Variants in SERPINB8 observed in about 807,000 individuals in gnomAD.
SERPINB8 encodes serpin family B member 8.
SERPINB8 carries 25 observed loss-of-function variants against 35.3 expected under a neutral mutation model. The observed-to-expected ratio is 0.71, with a 90% CI of 0.52 to 0.99. The LOEUF is 0.99. Among genes scored for constraint, SERPINB8 ranks in the 50% least tolerant of loss-of-function variants. The pLI is 0.00. For missense variants in SERPINB8, 484 were observed against 446.5 expected (o/e 1.08, Z -0.76); for synonymous variants, 186 against 160.8 (o/e 1.16, Z -1.19).
rs1300570366 is a variant in SERPINB8 at position 63,987,014 on chromosome 18, A to T, written c.861A>T (p.Gly287=). 6.2e-7 allele frequency: 1 copy of T among 1,614,196 alleles called. No homozygotes were observed. The highest frequency in any genetic ancestry group is 2.2e-5 in the East Asian group (1 of 44,890). The change falls in exon 7 of 7, where the codon GGA becomes GGT. Residue 287 remains glycine, a synonymous_variant. Coordinates refer to ENST00000397985, the MANE Select transcript of SERPINB8 (RefSeq NM_002640.4). The part of the protein sequence containing the change: ...YDLEPFLRRL[G]MIDAFDEAKA... Reference sequence around the variant, plus strand: ...TGGAGCCTTTCCTTCGAAGATTAGGAATGATCGATGCTTTTGACGAAGCCA... The same window carrying T: ...TGGAGCCTTTCCTTCGAAGATTAGGTATGATCGATGCTTTTGACGAAGCCA...
chr18:63,985,681 C>A (rs1273586373), intron 6 of SERPINB8, among the ~76,000 whole-genome samples: 1 of 152,022 alleles, frequency 6.6e-6, no homozygotes, highest in African/African-American at 2.4e-5. Context: ...GCATTTGTAA[C>A]AAGATTCCAA....
intron 1 of SERPINB8, among the ~76,000 whole-genome samples, chr18:63,995,848 G>A (rs1348991130): frequency 1.3e-5 from 2 of 152,240 alleles, no homozygotes; most frequent in African/African-American, 4.8e-5. Context: ...TACAGCTGAG[G>A]AGATGGGAGA....
At chr18:63,993,110 C>G (rs1418402277), downstream of SERPINB8, among the ~76,000 whole-genome samples, 1 of 152,078 alleles carries the variant, frequency 6.6e-6, no homozygotes, top group Non-Finnish European at 1.5e-5. Context: ...TGCTGGCTCT[C>G]TACATTTTGG....
chr18:64,005,720 G>A (rs1007487773), downstream of SERPINB8: 2 of 152,188 alleles, frequency 1.3e-5, no homozygotes, highest in East Asian at 1.9e-4. Context: ...AGCCTGTAAG[G>A]AAGTGTTTAT....
Position 63,987,539 on chromosome 18 carries a change from CTG to C in SERPINB8, c.*264_*265del, listed in dbSNP as rs1171162622. 1.8e-5 allele frequency: 8 copies of C among 435,592 alleles called. No homozygotes were observed. Among genetic ancestry groups the C allele is most frequent in the African/African-American group, 1.6e-4 (8 of 49,830 alleles). 27.0% of individuals were successfully genotyped at this position (435,592 alleles called of 1,614,324 possible). A position where few individuals can be genotyped will look rare whatever the true frequency, so the allele number is the denominator to read the frequency against. Reference sequence around the variant, plus strand: ...CCATTGCCTCTGCCTTCACCTAAGTCTGTGCCCATTGTTTCAGGGGATCTTAT... The same window carrying C: ...CCATTGCCTCTGCCTTCACCTAAGTCTGCCCATTGTTTCAGGGGATCTTAT... On this transcript the variant is annotated 3_prime_UTR_variant, in exon 7 of 7. Transcript: ENST00000397985.
rs2050796532 is a variant in SERPINB8 at position 63,988,607 on chromosome 18, G to A, written c.*1329G>A. 1.3e-5 allele frequency: 2 copies of A among 152,196 alleles called. No homozygotes were observed. The highest frequency in any genetic ancestry group is 4.8e-5 in the African/African-American group (2 of 41,440). 9.4% of individuals were successfully genotyped at this position (152,196 alleles called of 1,614,324 possible). On this transcript the variant is annotated 3_prime_UTR_variant, in exon 7 of 7. Coordinates refer to ENST00000397985, the MANE Select transcript of SERPINB8 (RefSeq NM_002640.4). Reference sequence around the variant, plus strand: ...TTATGTCACTGTTTATACCACCACTGACTGCTGCCTGCTTTATTATTTCTT... The same window carrying A: ...TTATGTCACTGTTTATACCACCACTAACTGCTGCCTGCTTTATTATTTCTT...
rs1874792066 is a variant in SERPINB8, at chr18:63,978,422, C to G, written c.114C>G (p.Ala38=). The stretch of plus-strand genomic sequence containing the variant: ...TCTCTCCCATGAGCATCTCCTCTGC[C>G]CTGGCCATGGTCTTCATGGGGGCAA... ...VFFSPMSISS[A]LAMVFMGAKG... The change falls in exon 2 of 7, where the codon GCC becomes GCG. Residue 38 remains alanine (A), a synonymous_variant. Transcript: ENST00000397985. 1 of 1,614,040 alleles carries G rather than the reference C, an allele frequency of 6.2e-7. No homozygotes were observed. The highest frequency in any genetic ancestry group is 8.5e-7 in the Non-Finnish European group (1 of 1,180,032).
At chr18:63,973,925 C>T (rs144404292) in intron 1 of SERPINB8, among the ~76,000 whole-genome samples, 154 of 152,276 alleles carry the variant, frequency 1.0e-3, no homozygotes, top group Non-Finnish European at 1.9e-3. Context: ...TAATGTGATG[C>T]CTCCAGCTTT....
At chr18:63,983,098 G>A (rs911501436) in intron 4 of SERPINB8, among the ~76,000 whole-genome samples, 13 of 152,288 alleles carry the variant, frequency 8.5e-5, no homozygotes, top group African/African-American at 2.6e-4. Flanking sequence ...GACAATCTTG[G>A]TTGTCAAAAT....
rs78551681 is a variant in SERPINB8 at position 63,970,961 on chromosome 18, C to A, written c.-11+791C>A. 2.6e-5 allele frequency among the ~76,000 whole-genome samples: 4 copies of A among 152,266 alleles called. No homozygotes were observed. The South Asian group carries it at 8.3e-4, about 32-fold the overall frequency. On this transcript the variant is annotated intron_variant, in intron 1 of 6. Transcript: ENST00000397985. ...CAATTCCTCACTTTCCAGACACTCTCAGTCCTCTGGCTGCTGCTTCACTCC... is the reference window on the plus strand; with the variant it reads ...CAATTCCTCACTTTCCAGACACTCTAAGTCCTCTGGCTGCTGCTTCACTCC...
At chr18:63,994,536 G>T (rs965763690) in intron 1 of SERPINB8, among the ~76,000 whole-genome samples, 53 of 152,116 alleles carry the variant, frequency 3.5e-4, no homozygotes, top group African/African-American at 1.3e-3. Context: ...AGTGGACCCC[G>T]CAGGGCACCC....
downstream of SERPINB8, among the ~76,000 whole-genome samples, chr18:64,006,744 C>G (rs865870459): frequency 6.6e-6 from 1 of 152,102 alleles, no homozygotes; most frequent in Admixed American, 6.5e-5. Flanking sequence ...TTTTGAAAAT[C>G]ACTAGGTATA....
chr18:63,970,130 A>AGCG lies in SERPINB8; in HGVS notation c.-33_-31dup, dbSNP rs113130158. The AGCG allele has an allele frequency of 0.042, 14,226 of 342,310 alleles. 1,773 individuals carry two copies. The highest frequency in any genetic ancestry group is 0.28 in the African/African-American group (12,279 of 43,818). The allele number at this position is 342,310 out of a possible 1,614,324, so 21.2% of individuals were successfully genotyped here. A position where few individuals can be genotyped will look rare whatever the true frequency, so the allele number is the denominator to read the frequency against. On this transcript the variant is annotated 5_prime_UTR_variant, in exon 1 of 7. Coordinates refer to ENST00000397985, the MANE Select transcript of SERPINB8 (RefSeq NM_002640.4). ...ACAAAGGAGGAATAGTCAAAGCAGC[A>AGCG]GCGGCGGCGGCGGCGGCGGCAGCAG...
chr18:64,015,203 T>C (rs1284434511), intron 7 of SERPINB8, among the ~76,000 whole-genome samples: 1 of 152,128 alleles, frequency 6.6e-6, no homozygotes, highest in Non-Finnish European at 1.5e-5. Context: ...GGTGGACAAA[T>C]ACCAGGGTCC....
In SERPINB8 at chr18:63,976,128, A is replaced by T. The variant is rs1435653803; in HGVS notation, c.-10-2171A>T. On this transcript the variant is annotated intron_variant, in intron 1 of 6. Transcript: ENST00000397985. ...TGTTTGACTACATTTTTCAGTTAAAATTATACATGTTTATGAAAAAAAGGA... is the reference window on the plus strand; with the variant it reads ...TGTTTGACTACATTTTTCAGTTAAATTTATACATGTTTATGAAAAAAAGGA... Among the ~76,000 whole-genome samples, 16 of 152,354 alleles carry T rather than the reference A, an allele frequency of 1.1e-4. No individual in the cohort carries two copies. The East Asian group carries it at 3.1e-3, about 29-fold the overall frequency.
rs2050710451 is a variant in SERPINB8, at chr18:63,983,871, G to A, written c.567+150G>A. The A allele has an allele frequency of 6.5e-6, 4 of 611,882 alleles. No homozygotes were observed. In the East Asian group the frequency reaches 1.3e-4, roughly 20 times the overall value. 37.9% of individuals were successfully genotyped at this position (611,882 alleles called of 1,614,324 possible). On this transcript the variant is annotated intron_variant, in intron 5 of 6. Transcript: ENST00000397985. ...ATATTATTTTATTTTCTTTGAGACA[G>A]GGTCTCTTTTTGTCACCCAGGCTGG...
chr18:63,975,362 T>C (rs11874053), intron 1 of SERPINB8, among the ~76,000 whole-genome samples: 61,151 of 151,912 alleles, frequency 0.4, 15,446 homozygotes, highest in African/African-American at 0.72. Flanking sequence ...AAGATGAGGT[T>C]GTGGAGGACC....
chr18:64,007,644 C>T (rs755921822), downstream of SERPINB8, among the ~76,000 whole-genome samples: 2 of 151,984 alleles, frequency 1.3e-5, no homozygotes, highest in South Asian at 2.1e-4. Context: ...AAAATCATGG[C>T]GAAAGGTGAA....
intron 6 of SERPINB8, chr18:63,986,359 C>T: frequency 1.3e-6 from 2 of 1,586,668 alleles, no homozygotes; most frequent in Admixed American, 1.8e-5. Context: ...TTTCTCGTCT[C>T]ATGCTCCCTT....
Sources: allele counts gnomAD v4.1 joint callset (sites outside exome capture counted in the v4.1 genomes callset), GRCh38; gene constraint gnomAD v4.1.1; transcripts MANE v1.5; gene names NCBI Gene and HGNC (gene_info 2026-07-23, HGNC 2026-07-21).